MPDZ: variants seen among roughly 807,000 people sequenced by gnomAD.
MPDZ encodes multiple PDZ domain crumbs cell polarity complex component.
Under a neutral mutation model 239.1 loss-of-function variants are expected in MPDZ, and 234 were observed. The observed-to-expected ratio is 0.98, with a 90% CI of 0.88 to 1.09. The LOEUF is 1.09. MPDZ is among the 50% of genes least tolerant of loss of function. The pLI is 0.00. For missense variants in MPDZ, 3,175 were observed against 2,510.0 expected (o/e 1.26, Z -5.66); for synonymous variants, 1,048 against 881.3 (o/e 1.19, Z -3.35).
intron 24 of MPDZ, among the ~76,000 whole-genome samples, chr9:13,151,307 G>A (rs1949137629): frequency 6.6e-6 from 1 of 151,822 alleles, no homozygotes; most frequent in African/African-American, 2.4e-5. Context: ...TCCACTTGTG[G>A]GTATTATACC....
At chr9:13,159,927 T>A (rs538160759) in intron 23 of MPDZ, among the ~76,000 whole-genome samples, 1 of 152,274 alleles carries the variant, frequency 6.6e-6, no homozygotes, top group African/African-American at 2.4e-5. Context: ...AATCAACTGC[T>A]TTTCCACTGT....
intron 3 of MPDZ, among the ~76,000 whole-genome samples, chr9:13,231,654 G>C (rs1319080099): frequency 1.3e-5 from 2 of 151,682 alleles, no homozygotes; most frequent in African/African-American, 2.4e-5. Context: ...AACAGGTTTA[G>C]AGAGTTTCAC....
chr9:13,119,461 C>G (rs773685733), intron 39 of MPDZ, 41 bp downstream of exon 39: 3 of 1,570,664 alleles, frequency 1.9e-6, no homozygotes, highest in Non-Finnish European at 2.6e-6. Flanking sequence ...TATCTTTTTT[C>G]TTCTACGCTA....
At chr9:13,237,421 G>T (rs928535040) in intron 3 of MPDZ, among the ~76,000 whole-genome samples, 3 of 121,032 alleles carry the variant, frequency 2.5e-5, no homozygotes, top group African/African-American at 9.6e-5. Flanking sequence ...CAGTCTACGT[G>T]ACAGAGCAAG....
At chr9:13,251,128 CAAAAAAA>C (rs150252589) in intron 1 of MPDZ, among the ~76,000 whole-genome samples, 53 of 36,446 alleles carry the variant, frequency 1.5e-3, no homozygotes, top group Middle Eastern at 0.022. Flanking sequence ...GACTCCATCT[CAAAAAAA>C]AAAAAAAAAA....
rs199678230 is a variant in MPDZ at position 13,136,139 on chromosome 9, C to A, written c.4336G>T (p.Ala1446Ser). The A allele has an allele frequency of 6.2e-7, 1 of 1,613,054 alleles. No individual in the cohort carries two copies. The highest frequency in any genetic ancestry group is 8.5e-7 in the Non-Finnish European group (1 of 1,179,486). Reference protein sequence around the residue: ...VNQMAVCPGNAVEPLPSNSEN... With the variant: ...VNQMAVCPGNSVEPLPSNSEN... ...GAGTTAGAAGGCAAAGGTTCTACTG[C>A]ATTTCCAGGACATACGGCCATCTGA... Residue 1446 changes from alanine (A) to serine (S), a missense_variant, in exon 31 of 47, where the codon GCA (alanine) becomes TCA (serine). Physicochemically the swap from Ala to Ser is moderately conservative, Grantham distance 99 (BLOSUM62 1). Coordinates refer to ENST00000319217, the MANE Select transcript of MPDZ (RefSeq NM_001378778.1).
Position 13,193,194 on chromosome 9 carries a change from C to T in MPDZ, c.1776G>A (p.Lys592=). Residue 592 remains lysine (K), a synonymous_variant, in exon 14 of 47, where the codon AAG becomes AAA. Transcript: ENST00000319217. ...LPEGPVGHSG[K]LFSGDELLEV... ...CCAATAGCTCGTCTCCACTGAAGAG[C>T]TTCCCGCTGTGTCCAACAGGACCCT... 6.3e-7 allele frequency: 1 copy of T among 1,599,666 alleles called. No individual in the cohort carries two copies. Among genetic ancestry groups the T allele is most frequent in the Non-Finnish European group, 8.5e-7 (1 of 1,171,534 alleles).
At chr9:13,185,519 G>C (rs1400783501) in intron 18 of MPDZ, among the ~76,000 whole-genome samples, 1 of 152,042 alleles carries the variant, frequency 6.6e-6, no homozygotes, top group African/African-American at 2.4e-5. Context: ...CGTTGAGTAA[G>C]GAACCTAGCT....
chr9:13,157,047 A>G (rs1246434724), intron 24 of MPDZ, among the ~76,000 whole-genome samples: 4 of 148,108 alleles, frequency 2.7e-5, no homozygotes, highest in East Asian at 2.0e-4. Flanking sequence ...AGTGTTTTTT[A>G]TATTTTAAAA....
chr9:13,130,729 TA>T (rs1173318188), intron 32 of MPDZ, among the ~76,000 whole-genome samples: 3 of 152,254 alleles, frequency 2.0e-5, no homozygotes, highest in South Asian at 4.1e-4. Flanking sequence ...TTATATAAGT[TA>T]AAAGAAATCA....
At chr9:13,115,580 T>G (rs762555389) in intron 39 of MPDZ, among the ~76,000 whole-genome samples, 5 of 152,100 alleles carry the variant, frequency 3.3e-5, no homozygotes, top group African/African-American at 4.8e-5. Context: ...CTATGGAGAC[T>G]ACTTGTACCA....
At chr9:13,173,282 G>A (rs1952022822) in intron 21 of MPDZ, among the ~76,000 whole-genome samples, 1 of 152,106 alleles carries the variant, frequency 6.6e-6, no homozygotes, top group African/African-American at 2.4e-5. Context: ...TTTATGCTGT[G>A]TCTATTTTAC....
intron 22 of MPDZ, among the ~76,000 whole-genome samples, chr9:13,165,006 G>A (rs1950902965): frequency 6.6e-6 from 1 of 152,088 alleles, no homozygotes; most frequent in Non-Finnish European, 1.5e-5. Flanking sequence ...GTTACACATG[G>A]ACTAGAAGAA....
At chr9:13,254,765 C>A (rs961444198) in intron 1 of MPDZ, among the ~76,000 whole-genome samples, 1 of 152,172 alleles carries the variant, frequency 6.6e-6, no homozygotes, top group Non-Finnish European at 1.5e-5. Context: ...ACAATCTATA[C>A]ACCTTTATTA....
intron 35 of MPDZ, among the ~76,000 whole-genome samples, chr9:13,124,609 C>T (rs1944852561): frequency 6.6e-6 from 1 of 152,084 alleles, no homozygotes; most frequent in Non-Finnish European, 1.5e-5. Flanking sequence ...AGTGTAATGA[C>T]ACATTAAAGT....
chr9:13,158,420 T>C (rs1020690601), intron 23 of MPDZ, among the ~76,000 whole-genome samples: 14 of 152,098 alleles, frequency 9.2e-5, no homozygotes, highest in African/African-American at 3.4e-4. Context: ...AAATACCAAG[T>C]TTGTAAAGAA....
intron 12 of MPDZ, among the ~76,000 whole-genome samples, chr9:13,203,798 G>GT: frequency 6.9e-6 from 1 of 145,938 alleles, no homozygotes; most frequent in Non-Finnish European, 1.5e-5. Context: ...AGAGAGAGAG[G>GT]GATTTCTCAT....
chr9:13,249,124 A>T (rs553669835), intron 2 of MPDZ, among the ~76,000 whole-genome samples: 22 of 151,534 alleles, frequency 1.5e-4, no homozygotes, highest in African/African-American at 4.4e-4. Context: ...ACACACACAC[A>T]CACACACACA....
At chr9:13,205,694 TA>T (rs1197905841) in intron 11 of MPDZ, among the ~76,000 whole-genome samples, 1 of 152,194 alleles carries the variant, frequency 6.6e-6, no homozygotes, top group African/African-American at 2.4e-5. Flanking sequence ...AAATCTGCTC[TA>T]TTCAGAAGCC....
Sources: allele counts gnomAD v4.1 joint callset (sites outside exome capture counted in the v4.1 genomes callset), GRCh38; gene constraint gnomAD v4.1.1; transcripts MANE v1.5; gene names NCBI Gene and HGNC (gene_info 2026-07-23, HGNC 2026-07-21).